The following ZFPM2 variants were observed in gnomAD, a reference collection of about 807,000 sequenced individuals.
The protein encoded by ZFPM2 is zinc finger protein ZFPM2.
In ZFPM2, 20 loss-of-function variants were observed where a neutral mutation model predicts 98.6. That is an observed-to-expected ratio of 0.20 (90% CI 0.14 to 0.29). ZFPM2 has a LOEUF of 0.29. Ranked by LOEUF, ZFPM2 falls within the 10% of genes least tolerant of loss-of-function variation. The pLI, the probability that ZFPM2 is intolerant of heterozygous loss-of-function variation, is 1.00. For synonymous variants in ZFPM2, 518 were observed against 502.7 expected (o/e 1.03, Z -0.41); for missense variants, 1,310 against 1,388.6 (o/e 0.94, Z 0.90).
intron 1 of ZFPM2, among the ~76,000 whole-genome samples, chr8:105,382,165 C>G (rs1357881589): frequency 6.6e-6 from 1 of 151,982 alleles, no homozygotes. Context: ...TGTTATTCTT[C>G]CAGTTTGAAT....
At chr8:105,794,200 T>C (rs1586274621) in intron 6 of ZFPM2, among the ~76,000 whole-genome samples, 2 of 152,098 alleles carry the variant, frequency 1.3e-5, no homozygotes, top group African/African-American at 4.8e-5. Context: ...CCCATCTTTG[T>C]GGTTTTATCT....
At chr8:105,792,305 G>A (rs1813639175) in intron 6 of ZFPM2, among the ~76,000 whole-genome samples, 1 of 152,100 alleles carries the variant, frequency 6.6e-6, no homozygotes, top group African/African-American at 2.4e-5. Flanking sequence ...GTTCTCATTG[G>A]TTTCAAAGAA....
intron 3 of ZFPM2, among the ~76,000 whole-genome samples, chr8:105,556,871 C>T (rs559097060): frequency 6.6e-6 from 1 of 152,110 alleles, no homozygotes; most frequent in South Asian, 2.1e-4. Context: ...TACAGACATG[C>T]ACCACCACAA....
intron 4 of ZFPM2, among the ~76,000 whole-genome samples, chr8:105,575,055 A>G (rs1815435072): frequency 6.6e-6 from 1 of 152,178 alleles, no homozygotes; most frequent in Non-Finnish European, 1.5e-5. Flanking sequence ...TTCTTGGTGC[A>G]TTTCTTCAAA....
At chr8:105,692,817 C>T (rs1318042013) in intron 5 of ZFPM2, among the ~76,000 whole-genome samples, 1 of 152,178 alleles carries the variant, frequency 6.6e-6, no homozygotes, top group African/African-American at 2.4e-5. Flanking sequence ...AAGAAGAGCA[C>T]TAGGAAGCTA....
intron 5 of ZFPM2, among the ~76,000 whole-genome samples, chr8:105,727,353 G>GATAA (rs750262216): frequency 2.4e-4 from 36 of 151,140 alleles, no homozygotes; most frequent in African/African-American, 5.3e-4. Context: ...TACAGACATA[G>GATAA]ATAAATAAAT....
chr8:105,547,296 A>C (rs1315082260), intron 3 of ZFPM2, among the ~76,000 whole-genome samples: 1 of 152,032 alleles, frequency 6.6e-6, no homozygotes, highest in Non-Finnish European at 1.5e-5. Context: ...TAATCCCAGC[A>C]CTTTGGGAGG....
At chr8:105,328,918 C>G (rs773402088) in intron 1 of ZFPM2, among the ~76,000 whole-genome samples, 2 of 151,818 alleles carry the variant, frequency 1.3e-5, no homozygotes, top group Non-Finnish European at 2.9e-5. Context: ...ACAGGGGAGA[C>G]TGACCAACCT....
chr8:105,703,850 C>A (rs560516094), intron 5 of ZFPM2, among the ~76,000 whole-genome samples: 4 of 152,142 alleles, frequency 2.6e-5, no homozygotes, highest in Admixed American at 2.6e-4. Context: ...TGTCTTTCCA[C>A]GATTATCCTG....
intron 5 of ZFPM2, among the ~76,000 whole-genome samples, chr8:105,655,182 C>T (rs1421113678): frequency 1.3e-5 from 2 of 148,442 alleles, no homozygotes; most frequent in African/African-American, 5.0e-5. Context: ...ATTTCATCGA[C>T]TCACAATTAT....
Position 105,788,714 on chromosome 8 carries a change from A to G in ZFPM2, c.533-4A>G. ...TTTATCTTTTTCTTTTTTCTTCTTAATAGGGGGTCAGCTTTGGTGTACAAC... is the reference window on the plus strand; with the variant it reads ...TTTATCTTTTTCTTTTTTCTTCTTAGTAGGGGGTCAGCTTTGGTGTACAAC... On this transcript the variant is annotated splice_region_variant and splice_polypyrimidine_tract_variant and intron_variant, in intron 5 of 7. Transcript: ENST00000407775. 6.2e-7 allele frequency: 1 copy of G among 1,613,772 alleles called. No homozygotes were observed. Among genetic ancestry groups the G allele is most frequent in the South Asian group, 1.1e-5 (1 of 91,074 alleles).
intron 1 of ZFPM2, among the ~76,000 whole-genome samples, chr8:105,409,803 C>A (rs926660068): frequency 5.3e-5 from 8 of 151,782 alleles, no homozygotes; most frequent in African/African-American, 1.9e-4. Flanking sequence ...TTTCTGAAAT[C>A]GGTAGATCTG....
intron 3 of ZFPM2, among the ~76,000 whole-genome samples, chr8:105,478,714 A>G (rs1462013546): frequency 6.6e-6 from 1 of 152,228 alleles, no homozygotes; most frequent in African/African-American, 2.4e-5. Context: ...AAATATTAAT[A>G]AAGACATTTT....
At chr8:105,584,150 A>T (rs1299161907) in intron 4 of ZFPM2, among the ~76,000 whole-genome samples, 1 of 152,158 alleles carries the variant, frequency 6.6e-6, no homozygotes, top group African/African-American at 2.4e-5. Flanking sequence ...AATTCTAAAT[A>T]TTGAGACATT....
intron 3 of ZFPM2, among the ~76,000 whole-genome samples, chr8:105,448,673 T>A (rs998617863): frequency 6.6e-6 from 1 of 152,082 alleles, no homozygotes; most frequent in Non-Finnish European, 1.5e-5. Context: ...TTCTGGCATG[T>A]TAAGTTCAGA....
intron 1 of ZFPM2, among the ~76,000 whole-genome samples, chr8:105,397,740 T>C (rs1391390467): frequency 1.3e-5 from 2 of 152,188 alleles, no homozygotes; most frequent in Admixed American, 6.5e-5. Context: ...ACAAGACTTA[T>C]ACTGGTGATA....
intron 1 of ZFPM2, among the ~76,000 whole-genome samples, chr8:105,376,721 A>T (rs1252656858): frequency 1.3e-5 from 2 of 152,176 alleles, no homozygotes; most frequent in Non-Finnish European, 2.9e-5. Context: ...TATCTCTAAA[A>T]ATATCTTCTG....
chr8:105,585,311 T>A (rs1815688647), intron 4 of ZFPM2, among the ~76,000 whole-genome samples: 2 of 152,178 alleles, frequency 1.3e-5, no homozygotes, highest in South Asian at 4.1e-4. Flanking sequence ...TGGTTTTGTT[T>A]TATTAGTTTT....
intron 1 of ZFPM2, among the ~76,000 whole-genome samples, chr8:105,372,346 A>G (rs1241725661): frequency 6.6e-6 from 1 of 152,080 alleles, no homozygotes; most frequent in Non-Finnish European, 1.5e-5. Flanking sequence ...CCGGCCTATT[A>G]TTTTTAGTAC....
Sources: gnomAD v4.1 joint callset for allele counts (sites outside exome capture counted in the v4.1 genomes callset) on GRCh38, gnomAD v4.1.1 for gene constraint, MANE v1.5 for transcripts, NCBI Gene and HGNC (gene_info 2026-07-23, HGNC 2026-07-21) for gene names.